The following PPM1H variants were observed in gnomAD, a reference collection of about 807,000 sequenced individuals.
The protein encoded by PPM1H is protein phosphatase 1H.
PPM1H carries 27 observed loss-of-function variants against 54.9 expected under a neutral mutation model. That is an observed-to-expected ratio of 0.49 (90% CI 0.36 to 0.68). The LOEUF is 0.68. PPM1H is among the 30% of genes least tolerant of loss of function. PPM1H has a pLI of 0.00. For synonymous variants in PPM1H, 305 were observed against 270.8 expected (o/e 1.13, Z -1.24); for missense variants, 596 against 667.8 (o/e 0.89, Z 1.19).
At chr12:62,904,660 A>G (rs556684875) in intron 1 of PPM1H, among the ~76,000 whole-genome samples, 50 of 152,262 alleles carry the variant, frequency 3.3e-4, no homozygotes, top group African/African-American at 1.2e-3. Context: ...GGCAGGAGGA[A>G]TTTCCACCCT....
chr12:62,691,478 G>A (rs1434096321), intron 7 of PPM1H, among the ~76,000 whole-genome samples: 2 of 152,170 alleles, frequency 1.3e-5, no homozygotes, highest in Non-Finnish European at 2.9e-5. Flanking sequence ...TTCACATTAA[G>A]CAGAAATGAA....
At position 62,747,954 on chromosome 12, in the gene PPM1H, T is replaced by TA. The variant is rs2076422025; in HGVS notation, c.870-10369dup. ...CACACACACAAATATATAGCCAAGC[T>TA]AAAAAATAAAGGTAGCATCTCTCTG... On this transcript the variant is annotated intron_variant, in intron 4 of 9. Coordinates refer to ENST00000228705, the MANE Select transcript of PPM1H (RefSeq NM_020700.2). Among the ~76,000 whole-genome samples the TA allele has an allele frequency of 2.0e-5, 3 of 152,050 alleles. No homozygotes were observed. In the South Asian group the frequency reaches 6.2e-4, roughly 32 times the overall value.
In PPM1H at chr12:62,934,791, A is replaced by T. The variant is rs1872273344; in HGVS notation, c.-55T>A. 1.4e-6 allele frequency: 2 copies of T among 1,424,640 alleles called. No individual in the cohort carries two copies. The highest frequency in any genetic ancestry group is 1.8e-6 in the Non-Finnish European group (2 of 1,086,738). 88.2% of individuals were successfully genotyped at this position (1,424,640 alleles called of 1,614,324 possible). A position where few individuals can be genotyped will look rare whatever the true frequency, so the allele number is the denominator to read the frequency against. ...GAGCAGGAGGCGGCGGGGGCCGGGC[A>T]AGGCGCAGCGCGGGGCATGCAGGCT... On this transcript the variant is annotated 5_prime_UTR_variant, in exon 1 of 10. Transcript: ENST00000228705. The surrounding 1 kb of genome is among the most constrained non-coding windows in gnomAD (Gnocchi z 4.2).
At chr12:62,835,110 C>CA (rs1346367381) in intron 1 of PPM1H, among the ~76,000 whole-genome samples, 8 of 152,138 alleles carry the variant, frequency 5.3e-5, no homozygotes, top group African/African-American at 1.7e-4. Context: ...TTTTTTGAAC[C>CA]AAAAAAGCAT....
intron 5 of PPM1H, among the ~76,000 whole-genome samples, chr12:62,723,907 A>G (rs1417490868): frequency 6.6e-6 from 1 of 152,204 alleles, no homozygotes; most frequent in Non-Finnish European, 1.5e-5. Context: ...TTGAGGGAAC[A>G]GGAGAAGCAG....
intron 1 of PPM1H, among the ~76,000 whole-genome samples, chr12:62,900,595 A>G (rs566481356): frequency 2.0e-5 from 3 of 149,166 alleles, no homozygotes; most frequent in African/African-American, 7.6e-5. Context: ...GCTTACCAGT[A>G]GTTAAAAAAA....
intron 1 of PPM1H, among the ~76,000 whole-genome samples, chr12:62,855,963 T>G (rs1478100794): frequency 1.3e-5 from 2 of 152,212 alleles, no homozygotes; most frequent in African/African-American, 4.8e-5. Flanking sequence ...CAGCTAATTA[T>G]CCACTACTAT....
intron 3 of PPM1H, among the ~76,000 whole-genome samples, chr12:62,795,437 T>A (rs927466172): frequency 2.0e-5 from 3 of 151,068 alleles, no homozygotes; most frequent in Non-Finnish European, 4.4e-5. Context: ...TGCCCCCAGA[T>A]AAAATATATA....
At chr12:62,803,085 A>C (rs556656638) in intron 2 of PPM1H, among the ~76,000 whole-genome samples, 1 of 152,260 alleles carries the variant, frequency 6.6e-6, no homozygotes, top group Non-Finnish European at 1.5e-5. Context: ...TTTTCACCCT[A>C]GACAGCCAGT....
At chr12:62,874,378 A>T (rs768548250) in intron 1 of PPM1H, among the ~76,000 whole-genome samples, 7 of 152,328 alleles carry the variant, frequency 4.6e-5, no homozygotes, top group Non-Finnish European at 8.8e-5. Flanking sequence ...CTGCATCATG[A>T]TCCAAGAGGC....
intron 2 of PPM1H, among the ~76,000 whole-genome samples, chr12:62,828,949 A>AAC (rs1868321361): frequency 6.6e-6 from 1 of 150,724 alleles, no homozygotes; most frequent in African/African-American, 2.5e-5. Context: ...AGAAAACAGA[A>AAC]AGCAAGTGCT....
chr12:62,781,336 G>A (rs141037211), intron 4 of PPM1H, among the ~76,000 whole-genome samples: 42 of 152,310 alleles, frequency 2.8e-4, no homozygotes, highest in Middle Eastern at 3.4e-3. Context: ...GGTCGCCCCC[G>A]CCCCACTGCA....
intron 1 of PPM1H, among the ~76,000 whole-genome samples, chr12:62,897,681 A>G (rs1041970658): frequency 6.6e-6 from 1 of 152,088 alleles, no homozygotes; most frequent in Non-Finnish European, 1.5e-5. Flanking sequence ...TGGCATGGCA[A>G]TCTACCTATG....
At chr12:62,652,938 TCACCTA>T (rs2075823921) in intron 9 of PPM1H, among the ~76,000 whole-genome samples, 1 of 152,232 alleles carries the variant, frequency 6.6e-6, no homozygotes, top group Non-Finnish European at 1.5e-5. Context: ...AGTGGTAAGC[TCACCTA>T]GTCTTTGGAT....
At chr12:62,682,975 C>T (rs1398849879) in intron 8 of PPM1H, among the ~76,000 whole-genome samples, 1 of 150,918 alleles carries the variant, frequency 6.6e-6, no homozygotes, top group Admixed American at 6.6e-5. Flanking sequence ...GCAGGTACCA[C>T]TAATTTATTA....
chr12:62,830,318 T>C (rs370317067), intron 2 of PPM1H, among the ~76,000 whole-genome samples: 2 of 151,822 alleles, frequency 1.3e-5, no homozygotes, highest in Non-Finnish European at 2.9e-5. Flanking sequence ...TGCAGTGGCG[T>C]GATCTCAGCT....
rs533132621 is a variant in PPM1H, at chr12:62,847,721, A to T, written c.246-15442T>A. 4.6e-5 allele frequency among the ~76,000 whole-genome samples: 7 copies of T among 152,328 alleles called. No homozygotes were observed. The South Asian group carries it at 1.4e-3, about 32-fold the overall frequency. On this transcript the variant is annotated intron_variant, in intron 1 of 9. Coordinates refer to ENST00000228705, the MANE Select transcript of PPM1H (RefSeq NM_020700.2). ...TTCTGAATATCTTTGATTTATTATC[A>T]ATTGAGTAAATCAAAGTTTATTTTA...
At position 62,891,227 on chromosome 12, in the gene PPM1H, C is replaced by T. The variant is rs568337099; in HGVS notation, c.245+43265G>A. On this transcript the variant is annotated intron_variant, in intron 1 of 9. Coordinates refer to ENST00000228705, the MANE Select transcript of PPM1H (RefSeq NM_020700.2). Reference sequence around the variant, plus strand: ...TCTCTGGGAAAATGCATTCCATATACGAATGGAAATACTCATATCATACCT... The same window carrying T: ...TCTCTGGGAAAATGCATTCCATATATGAATGGAAATACTCATATCATACCT... Among the ~76,000 whole-genome samples the T allele has an allele frequency of 5.9e-5, 9 of 151,622 alleles. No homozygotes were observed. In the South Asian group the frequency reaches 1.2e-3, roughly 21 times the overall value.
chr12:62,918,895 T>C (rs568216271), intron 1 of PPM1H, among the ~76,000 whole-genome samples: 2 of 152,228 alleles, frequency 1.3e-5, no homozygotes, highest in Non-Finnish European at 2.9e-5. Context: ...AAATTATCAA[T>C]CGAAGCTAAT....
Sources: allele counts gnomAD v4.1 joint callset (sites outside exome capture counted in the v4.1 genomes callset), GRCh38; gene constraint gnomAD v4.1.1; non-coding constraint Gnocchi (gnomAD v3.1); transcripts MANE v1.5; gene names NCBI Gene and HGNC (gene_info 2026-07-23, HGNC 2026-07-21).